GYS2: variants seen among roughly 807,000 people sequenced by gnomAD.
The protein encoded by GYS2 is glycogen [starch] synthase, liver.
GYS2 carries 80 observed loss-of-function variants against 85.6 expected under a neutral mutation model. The observed-to-expected ratio is 0.93, with a 90% confidence interval of 0.78 to 1.13. The LOEUF is 1.13. Among genes scored for constraint, GYS2 ranks in the 50% most tolerant of loss-of-function variants. GYS2 has a pLI of 0.00. For synonymous variants in GYS2, 328 were observed against 300.7 expected, an observed-to-expected ratio of 1.09 and a Z score of -0.94; for missense variants, 881 against 854.9, an observed-to-expected ratio of 1.03 and a Z score of -0.38.
At chr12:21,542,676 C>T in intron 12 of GYS2, 85 bp from the exon 13 acceptor site, 1 of 815,122 alleles carries the variant, frequency 1.2e-6, no homozygotes, top group Non-Finnish European at 2.1e-6. Flanking sequence ...GGCCCTAGTC[C>T]TCCTAAGAAT....
chr12:21,551,228 T>C (rs1471103685), intron 11 of GYS2, among the ~76,000 whole-genome samples: 1 of 145,062 alleles, frequency 6.9e-6, no homozygotes, highest in African/African-American at 2.6e-5. Flanking sequence ...ATCTCATTGT[T>C]CAATTCCCAC....
chr12:21,573,674 A>C (rs979493028), intron 4 of GYS2, among the ~76,000 whole-genome samples: 1 of 152,326 alleles, frequency 6.6e-6, no homozygotes, highest in East Asian at 1.9e-4. Context: ...TGAACCTATC[A>C]ACCTATAATG....
intron 1 of GYS2, 114 bp from the exon 2 acceptor site, chr12:21,580,637 A>G: frequency 1.2e-6 from 1 of 811,630 alleles, no homozygotes; most frequent in Non-Finnish European, 2.1e-6. Context: ...CACTAAGCCC[A>G]AGGATTTATT....
In GYS2 at chr12:21,546,381, T is replaced by C. The variant is rs759925444; in HGVS notation, c.1512A>G (p.Val504=). ...CCCAGGGTTCATAGTATGATGGAAA[T>C]ACTCCAAGATGACAACCTCTAACAA... ...EEFVRGCHLG[V]FPSYYEPWGY... The change falls in exon 12 of 16, where the codon GTA becomes GTG. Residue 504 remains valine, a synonymous_variant. Coordinates refer to ENST00000261195, the MANE Select transcript of GYS2 (RefSeq NM_021957.4). 2 of 1,601,816 alleles carry C rather than the reference T, an allele frequency of 1.2e-6. No homozygotes were observed. Among genetic ancestry groups the C allele is most frequent in the South Asian group, 1.1e-5 (1 of 90,720 alleles).
At chr12:21,537,420 A>G (rs577832091) in intron 15 of GYS2, 11 of 516,236 alleles carry the variant, frequency 2.1e-5, no homozygotes, top group Middle Eastern at 5.3e-4. Context: ...TTATCATCTT[A>G]TCTTTTAACA....
intron 1 of GYS2, among the ~76,000 whole-genome samples, chr12:21,600,491 G>T (rs1022746205): frequency 6.6e-6 from 1 of 152,032 alleles, no homozygotes; most frequent in African/African-American, 2.4e-5. Context: ...ACAGTATCAC[G>T]AAAGATAAAC....
At position 21,580,515 on chromosome 12, in the gene GYS2, T is replaced by A; in HGVS notation, c.130A>T (p.Ile44Phe). Residue 44 changes from isoleucine to phenylalanine, a missense_variant, in exon 2 of 16, where the codon ATC (isoleucine) becomes TTC (phenylalanine). Ile to Phe is a conservative substitution (Grantham distance 21). Transcript: ENST00000261195. ...AWEVTNKVGG[I>F]YTVIQTKAKT... is the part of the protein sequence containing the mutation. The stretch of plus-strand genomic sequence containing the variant: ...GCCTTTGTCTGAATCACAGTATAGA[T>A]GCCTCCAACTGTTAAAAGGAAAAAA... 1.2e-6 allele frequency: 2 copies of A among 1,612,232 alleles called. No homozygotes were observed. Among genetic ancestry groups the A allele is most frequent in the Non-Finnish European group, 1.7e-6 (2 of 1,178,654 alleles).
chr12:21,600,511 TC>T (rs1944744019), intron 1 of GYS2, among the ~76,000 whole-genome samples: 1 of 151,912 alleles, frequency 6.6e-6, no homozygotes, highest in Non-Finnish European at 1.5e-5. Flanking sequence ...CATCGTTAGG[TC>T]TCGGGAAGGA....
chr12:21,602,940 G>A (rs1005389796), intron 1 of GYS2, among the ~76,000 whole-genome samples: 14 of 152,032 alleles, frequency 9.2e-5, no homozygotes, highest in African/African-American at 3.4e-4. Flanking sequence ...GTGCTAACAA[G>A]TCCCTTCCAG....
chr12:21,567,760 C>T (rs562096839), intron 5 of GYS2, among the ~76,000 whole-genome samples: 1 of 151,868 alleles, frequency 6.6e-6, no homozygotes, highest in Non-Finnish European at 1.5e-5. Context: ...TTTAGCTGAG[C>T]CTTAGGAATG....
rs767931998 is a variant in GYS2 at position 21,542,555 on chromosome 12, G to A, written c.1586C>T (p.Thr529Met). 1.3e-5 allele frequency: 21 copies of A among 1,613,616 alleles called. No individual in the cohort carries two copies. The highest frequency in any genetic ancestry group is 1.6e-5 in the Non-Finnish European group (19 of 1,179,628). Reference protein sequence around the residue: ...CTVMGIPSVTTNLSGFGCFMQ... With the variant: ...CTVMGIPSVTMNLSGFGCFMQ... ...GAAACAGCCAAACCCGGAGAGATTC[G>A]TGGTCACACTGGGGATACCCATCAC... The change falls in exon 13 of 16, where the codon ACG becomes ATG. Residue 529 changes from threonine (T) to methionine (M), a missense_variant. Transcript: ENST00000261195.
At chr12:21,544,929 C>T (rs988805108) in intron 12 of GYS2, among the ~76,000 whole-genome samples, 3 of 133,070 alleles carry the variant, frequency 2.3e-5, no homozygotes, top group African/African-American at 7.3e-5. Flanking sequence ...ATACAGGATC[C>T]TATTTTTGTA....
intron 4 of GYS2, among the ~76,000 whole-genome samples, chr12:21,572,702 G>T (rs548358036): frequency 6.6e-6 from 1 of 152,078 alleles, no homozygotes; most frequent in Non-Finnish European, 1.5e-5. Context: ...GAAAAATACT[G>T]CCCTTTCATC....
chr12:21,555,986 G>A (rs1944174418), intron 11 of GYS2, among the ~76,000 whole-genome samples: 1 of 152,136 alleles, frequency 6.6e-6, no homozygotes, highest in Admixed American at 6.5e-5. Flanking sequence ...AACTGCTTGT[G>A]TTACTTAATG....
chr12:21,559,661 C>A lies in GYS2; in HGVS notation c.1219G>T (p.Ala407Ser). ...ATTTCAAGCACCTACCTTAATAATGCATCATAGAGTTTTTTTCCAAACTTT... is the reference window on the plus strand; with the variant it reads ...ATTTCAAGCACCTACCTTAATAATGAATCATAGAGTTTTTTTCCAAACTTT... ...KEKFGKKLYD[A>S]LLRGEIPDLN... The change falls in exon 9 of 16, where the codon GCA becomes TCA. Residue 407 changes from alanine to serine, a missense_variant. Physicochemically the swap from Ala to Ser is moderately conservative, Grantham distance 99. Coordinates refer to ENST00000261195, the MANE Select transcript of GYS2 (RefSeq NM_021957.4). The A allele has an allele frequency of 6.4e-7, 1 of 1,558,350 alleles. No homozygotes were observed. The highest frequency in any genetic ancestry group is 8.9e-7 in the Non-Finnish European group (1 of 1,129,076).
intron 12 of GYS2, among the ~76,000 whole-genome samples, chr12:21,543,309 A>G (rs1344370856): frequency 6.6e-6 from 1 of 152,188 alleles, no homozygotes; most frequent in Non-Finnish European, 1.5e-5. Flanking sequence ...CTAGACAGCA[A>G]CCTTATCTCT....
chr12:21,582,425 G>T (rs569644694), intron 1 of GYS2, among the ~76,000 whole-genome samples: 34 of 152,216 alleles, frequency 2.2e-4, no homozygotes, highest in African/African-American at 7.5e-4. Flanking sequence ...TCCCATGCTG[G>T]ATTCTTCCTG....
At chr12:21,599,600 C>A (rs934402128) in intron 1 of GYS2, among the ~76,000 whole-genome samples, 1 of 152,182 alleles carries the variant, frequency 6.6e-6, no homozygotes, top group Non-Finnish European at 1.5e-5. Context: ...TTACATAGAT[C>A]GTGTGTTTCA....
At chr12:21,583,297 C>T (rs967728853) in intron 1 of GYS2, among the ~76,000 whole-genome samples, 1 of 152,164 alleles carries the variant, frequency 6.6e-6, no homozygotes, top group African/African-American at 2.4e-5. Flanking sequence ...TGAGATATTC[C>T]TTCTAAAGTG....
Sources: gnomAD v4.1 joint callset for allele counts (sites outside exome capture counted in the v4.1 genomes callset) on GRCh38, gnomAD v4.1.1 for gene constraint, MANE v1.5 for transcripts, NCBI Gene and HGNC (gene_info 2026-07-23, HGNC 2026-07-21) for gene names.